Variants in SLCO1B1 observed in about 807,000 individuals in gnomAD.
SLCO1B1 encodes the protein OATP-2.
Under a neutral mutation model 70.1 loss-of-function variants are expected in SLCO1B1, and 81 were observed. The observed-to-expected ratio is 1.16, with a 90% CI of 0.97 to 1.39. The LOEUF (loss-of-function observed/expected upper bound fraction) is 1.39, where lower values mean the gene tolerates loss of function less well. Among genes scored for constraint, SLCO1B1 ranks in the 40% most tolerant of loss-of-function variants. SLCO1B1 has a pLI of 0.00. For missense variants in SLCO1B1, 895 were observed against 799.6 expected, an observed-to-expected ratio of 1.12 and a Z score of -1.44; for synonymous variants, 283 against 271.5, an observed-to-expected ratio of 1.04 and a Z score of -0.42.
intron 8 of SLCO1B1, among the ~76,000 whole-genome samples, chr12:21,199,450 T>C (rs991866600): frequency 6.6e-5 from 10 of 152,158 alleles, no homozygotes; most frequent in African/African-American, 1.2e-4. Context: ...GTGGTTGTAT[T>C]ATTACTATTA....
chr12:21,191,697 T>C (rs1161190144), intron 7 of SLCO1B1, among the ~76,000 whole-genome samples: 1 of 152,118 alleles, frequency 6.6e-6, no homozygotes, highest in African/African-American at 2.4e-5. Flanking sequence ...AGAATGGCCA[T>C]TCTTCCTTTG....
intron 8 of SLCO1B1, 106 bp downstream of exon 8, chr12:21,197,294 T>A (rs1238932906): frequency 3.3e-6 from 4 of 1,210,092 alleles, no homozygotes; most frequent in Non-Finnish European, 4.7e-6. Context: ...TGGAGTTGGC[T>A]TTCTTTTGCA....
At chr12:21,237,340 CT>C (rs1459841389) in intron 14 of SLCO1B1, among the ~76,000 whole-genome samples, 1 of 152,076 alleles carries the variant, frequency 6.6e-6, no homozygotes, top group Non-Finnish European at 1.5e-5. Context: ...TTCTACTTTA[CT>C]TTTAAAAGAA....
At chr12:21,132,505 C>T (rs577711397) in intron 1 of SLCO1B1, among the ~76,000 whole-genome samples, 109 of 152,252 alleles carry the variant, frequency 7.2e-4, no homozygotes, top group African/African-American at 2.6e-3. Flanking sequence ...CTGTTGTTTC[C>T]TGACTTTTTA....
At chr12:21,216,946 C>T (rs1444666969) in intron 11 of SLCO1B1, among the ~76,000 whole-genome samples, 173 bp from the exon 12 acceptor site, 1 of 152,042 alleles carries the variant, frequency 6.6e-6, no homozygotes, top group African/African-American at 2.4e-5. Context: ...AGAAAGAAAT[C>T]CACAAAACTA....
At chr12:21,132,919 C>G (rs1940163083) in intron 1 of SLCO1B1, among the ~76,000 whole-genome samples, 1 of 151,942 alleles carries the variant, frequency 6.6e-6, no homozygotes, top group Admixed American at 6.6e-5. Context: ...TGCCTATGTC[C>G]TGAATGGTAT....
At chr12:21,153,623 C>T (rs1940502098) in intron 2 of SLCO1B1, among the ~76,000 whole-genome samples, 1 of 152,006 alleles carries the variant, frequency 6.6e-6, no homozygotes, top group African/African-American at 2.4e-5. Flanking sequence ...TTGTGTTATT[C>T]AGATCTTCTA....
chr12:21,146,832 T>C (rs556716814), intron 2 of SLCO1B1, among the ~76,000 whole-genome samples: 1 of 152,224 alleles, frequency 6.6e-6, no homozygotes, highest in Non-Finnish European at 1.5e-5. Flanking sequence ...GTGTGTTTTA[T>C]GGCTTAGGCT....
rs150084005 is a variant in SLCO1B1, at chr12:21,232,357, C to A, written c.1866-6622C>A. Among the ~76,000 whole-genome samples, 1,114 of 152,264 alleles carry A rather than the reference C, an allele frequency of 7.3e-3. 11 individuals are homozygous for A. The highest frequency in any genetic ancestry group is 0.025 in the African/African-American group (1,034 of 41,538). On this transcript the variant is annotated intron_variant, in intron 14 of 14. Coordinates refer to ENST00000256958, the MANE Select transcript of SLCO1B1 (RefSeq NM_006446.5). ...AACTATGACATTAACTACAAAATTC[C>A]TGTCCTCTAGATGGCAGAGACCAAG...
chr12:21,191,320 A>C (rs184354143), intron 7 of SLCO1B1, among the ~76,000 whole-genome samples: 72 of 152,208 alleles, frequency 4.7e-4, no homozygotes, highest in Non-Finnish European at 7.1e-4. Flanking sequence ...AGTGTCTTGA[A>C]GTATTTCATG....
intron 2 of SLCO1B1, among the ~76,000 whole-genome samples, chr12:21,170,583 T>C (rs1565672031): frequency 6.6e-6 from 1 of 152,222 alleles, no homozygotes; most frequent in Non-Finnish European, 1.5e-5. Flanking sequence ...TTGACTATCT[T>C]TGAAGAAAAT....
At position 21,197,195 on chromosome 12, in the gene SLCO1B1, A is replaced by G. The variant is rs1255902468; in HGVS notation, c.970+7A>G. The stretch of plus-strand genomic sequence containing the variant: ...ATTACCAAAAATGTGACTGGTAAGT[A>G]TTTAACATTCATTGTCAATTTGGAG... On this transcript the variant is annotated splice_region_variant and intron_variant, in intron 8 of 14. Transcript: ENST00000256958. 6.2e-7 allele frequency: 1 copy of G among 1,612,534 alleles called. No individual in the cohort carries two copies. The highest frequency in any genetic ancestry group is 1.1e-5 in the South Asian group (1 of 90,996).
intron 5 of SLCO1B1, among the ~76,000 whole-genome samples, chr12:21,177,355 C>T (rs539009785): frequency 6.6e-6 from 1 of 152,160 alleles, no homozygotes; most frequent in African/African-American, 2.4e-5. Flanking sequence ...TAAAGTAAAA[C>T]AGAAGGAAAT....
Position 21,239,345 on chromosome 12 carries a change from C to A in SLCO1B1, c.*156C>A. 1.5e-6 allele frequency: 1 copy of A among 664,656 alleles called. No homozygotes were observed. The highest frequency in any genetic ancestry group is 1.7e-5 in the South Asian group (1 of 59,352). The allele number at this position is 664,656 out of a possible 1,614,324, so 41.2% of individuals were successfully genotyped here. ...ATAAGCCTATGAACTTATAATAAAA[C>A]AAACTGTAGGTAGAAAAAATGAGAG... On this transcript the variant is annotated 3_prime_UTR_variant, in exon 15 of 15. Coordinates refer to ENST00000256958, the MANE Select transcript of SLCO1B1 (RefSeq NM_006446.5).
At chr12:21,234,200 T>C (rs966038194) in intron 14 of SLCO1B1, among the ~76,000 whole-genome samples, 1 of 152,048 alleles carries the variant, frequency 6.6e-6, no homozygotes, top group Non-Finnish European at 1.5e-5. Flanking sequence ...GAGTTGATAC[T>C]GTCCTCTCGT....
intron 2 of SLCO1B1, among the ~76,000 whole-genome samples, chr12:21,153,118 A>G (rs1161240515): frequency 6.6e-6 from 1 of 152,184 alleles, no homozygotes; most frequent in East Asian, 1.9e-4. Context: ...TCTTGAAGGC[A>G]GTCGATTGCC....
chr12:21,156,327 A>G (rs1940542318), intron 2 of SLCO1B1, among the ~76,000 whole-genome samples: 1 of 152,280 alleles, frequency 6.6e-6, no homozygotes, highest in South Asian at 2.1e-4. Context: ...ATTTATGACA[A>G]ATGTTCATCT....
chr12:21,226,698 A>G (rs7966613), intron 14 of SLCO1B1, among the ~76,000 whole-genome samples: 51,622 of 151,894 alleles, frequency 0.34, 9,116 homozygotes, highest in East Asian at 0.45. Context: ...CATAAAAAGC[A>G]AACTCTAATC....
intron 7 of SLCO1B1, among the ~76,000 whole-genome samples, chr12:21,189,295 T>C (rs1161797613): frequency 5.3e-5 from 8 of 152,184 alleles, no homozygotes; most frequent in Admixed American, 3.9e-4. Context: ...ATAGCCATTC[T>C]ACAGGTGTAA....
Sources: gnomAD v4.1 joint callset for allele counts (sites outside exome capture counted in the v4.1 genomes callset) on GRCh38, gnomAD v4.1.1 for gene constraint, MANE v1.5 for transcripts, NCBI Gene and HGNC (gene_info 2026-07-23, HGNC 2026-07-21) for gene names.